The following TNNT3 variants were observed in gnomAD, a reference collection of about 807,000 sequenced individuals.
TNNT3 encodes troponin T, fast skeletal muscle.
TNNT3 carries 36 observed loss-of-function variants against 54.2 expected under a neutral mutation model. The observed-to-expected ratio is 0.66, with a 90% CI of 0.51 to 0.88. TNNT3 has a LOEUF of 0.88. Among genes scored for constraint, TNNT3 ranks in the 40% least tolerant of loss-of-function variants. The pLI is 0.00. For missense variants in TNNT3, 291 were observed against 331.6 expected (o/e 0.88, Z 0.95); for synonymous variants, 120 against 109.7 (o/e 1.09, Z -0.59).
chr11:1,922,330 G>A (rs1013651649), intron 1 of TNNT3, among the ~76,000 whole-genome samples: 1 of 152,118 alleles, frequency 6.6e-6, no homozygotes, highest in African/African-American at 2.4e-5. Flanking sequence ...TTCTCATGGG[G>A]AATGGTAGGG....
intron 14 of TNNT3, among the ~76,000 whole-genome samples, chr11:1,935,764 G>A (rs1283072899): frequency 2.0e-5 from 3 of 152,038 alleles, no homozygotes; most frequent in South Asian, 2.1e-4. Context: ...CTGTGCCCAC[G>A]GGGCTTGTGC....
rs764740964 is a variant in TNNT3, at chr11:1,934,387, TGAA to T, written c.432_434del (p.Lys145del). 4.0e-5 allele frequency: 64 copies of T among 1,613,768 alleles called. No homozygotes were observed. Among genetic ancestry groups the T allele is most frequent in the Admixed American group, 1.0e-4 (6 of 59,992 alleles). ...GCCAAGAGGAGGGCAGAGGACGACC[TGAA>T]GAAGAAGAAAGCTCTGTCTTCCATG... On this transcript the variant is annotated inframe_deletion, in exon 12 of 16. Coordinates refer to ENST00000278317, the MANE Select transcript of TNNT3 (RefSeq NM_006757.4).
intron 14 of TNNT3, chr11:1,935,520 G>GGGGA (rs2133493172): frequency 5.7e-6 from 1 of 175,582 alleles, no homozygotes; most frequent in East Asian, 1.4e-4. Context: ...AGCTGGGACT[G>GGGGA]GGGAAGGCAG....
At chr11:1,930,486 C>T (rs917108144) in intron 8 of TNNT3, among the ~76,000 whole-genome samples, 4 of 152,174 alleles carry the variant, frequency 2.6e-5, no homozygotes, top group African/African-American at 9.7e-5. Context: ...TTGTCCTCAT[C>T]GCACCTGCTT....
At position 1,927,810 on chromosome 11, in the gene TNNT3, G is replaced by A. The variant is rs7930576; in HGVS notation, c.82+1101G>A. ...GAGGGGCTCCTCAGCCACGCACTGCGTCCAGCAAAACCACTAAGTCAGGGA... is the reference window on the plus strand; with the variant it reads ...GAGGGGCTCCTCAGCCACGCACTGCATCCAGCAAAACCACTAAGTCAGGGA... On this transcript the variant is annotated intron_variant, in intron 6 of 15. Transcript: ENST00000278317. The A allele has an allele frequency of 2.9e-3, 438 of 152,568 alleles. 3 individuals carry two copies. Among genetic ancestry groups the A allele is most frequent in the African/African-American group, 9.9e-3 (413 of 41,598 alleles). 9.5% of individuals were successfully genotyped at this position (152,568 alleles called of 1,614,324 possible). A position where few individuals can be genotyped will look rare whatever the true frequency, so the allele number is the denominator to read the frequency against.
At chr11:1,924,270 G>A (rs902423803) in intron 4 of TNNT3, among the ~76,000 whole-genome samples, 8 of 152,178 alleles carry the variant, frequency 5.3e-5, no homozygotes, top group African/African-American at 1.9e-4. Context: ...CCCCCTCCCT[G>A]TGCTGGCCAG....
intron 1 of TNNT3, among the ~76,000 whole-genome samples, chr11:1,921,072 TG>T (rs1850001242): frequency 6.6e-6 from 1 of 151,922 alleles, no homozygotes; most frequent in Non-Finnish European, 1.5e-5. Context: ...TATGAGGAGC[TG>T]GGGAGGGCCT....
chr11:1,933,838 G>A lies in TNNT3; in HGVS notation c.288+1G>A, dbSNP rs913701002. ...GCTGGTCGCTCTCAAAGAGAGAATC[G>A]TGAGTGGGGCAGTTCAGGTTGCAGC... On this transcript the variant is annotated splice_donor_variant, in intron 10 of 15. Transcript: ENST00000278317. LOFTEE classifies it high-confidence loss of function. 5 of 1,612,452 alleles carry A rather than the reference G, an allele frequency of 3.1e-6. No homozygotes were observed. The highest frequency in any genetic ancestry group is 2.2e-5 in the East Asian group (1 of 44,888).
Position 1,932,461 on chromosome 11 carries a change from C to G in TNNT3, c.126-8C>G, listed in dbSNP as rs535827681. 7.4e-5 allele frequency: 120 copies of G among 1,613,684 alleles called. 2 individuals carry two copies. In the South Asian group the frequency reaches 1.2e-3, roughly 16 times the overall value. On this transcript the variant is annotated splice_region_variant and splice_polypyrimidine_tract_variant and intron_variant, in intron 8 of 15. Transcript: ENST00000278317. ...CTCTGCTCACGGGCCTCTCTGTCTCCTCTTCAGACTCACTGCTCCTAAGAT... is the reference window on the plus strand; with the variant it reads ...CTCTGCTCACGGGCCTCTCTGTCTCGTCTTCAGACTCACTGCTCCTAAGAT...
At chr11:1,936,700 G>A (rs1054719948) in intron 14 of TNNT3, among the ~76,000 whole-genome samples, 5 of 152,254 alleles carry the variant, frequency 3.3e-5, no homozygotes, top group Admixed American at 3.3e-4. Flanking sequence ...AAGGTAAGTG[G>A]CCAGCTACGG....
At position 1,934,452 on chromosome 11, in the gene TNNT3, G is replaced by T. The variant is rs1232977403; in HGVS notation, c.480+7G>T. ...CAGCAGCTACCTGGCCAAGGTGTGTGCCGCTGCTGGGAGCACGGTGGTAGC... is the reference window on the plus strand; with the variant it reads ...CAGCAGCTACCTGGCCAAGGTGTGTTCCGCTGCTGGGAGCACGGTGGTAGC... On this transcript the variant is annotated splice_region_variant and intron_variant, in intron 12 of 15. Coordinates refer to ENST00000278317, the MANE Select transcript of TNNT3 (RefSeq NM_006757.4). 4 of 1,613,056 alleles carry T rather than the reference G, an allele frequency of 2.5e-6. No homozygotes were observed. The highest frequency in any genetic ancestry group is 3.4e-6 in the Non-Finnish European group (4 of 1,179,684).
At chr11:1,920,087 CAG>C (rs1339853724) in intron 1 of TNNT3, among the ~76,000 whole-genome samples, 1 of 152,124 alleles carries the variant, frequency 6.6e-6, no homozygotes, top group Non-Finnish European at 1.5e-5. Context: ...GGGCAGGAGG[CAG>C]AGAGGTGCGG....
chr11:1,928,991 C>G (rs1357489097), intron 6 of TNNT3, 129 bp from the exon 7 acceptor site: 1 of 1,112,424 alleles, frequency 9.0e-7, no homozygotes, highest in Non-Finnish European at 1.4e-6. Context: ...CAGGCACACC[C>G]TGGAGAAGAG....
intron 4 of TNNT3, 24 bp downstream of exon 4, chr11:1,923,596 C>A: frequency 7.2e-7 from 1 of 1,387,128 alleles, no homozygotes; most frequent in Non-Finnish European, 9.8e-7. Context: ...CCACCGGAAG[C>A]CCCCCCAGCC....
intron 8 of TNNT3, among the ~76,000 whole-genome samples, chr11:1,932,060 G>C (rs1479255536): frequency 6.6e-6 from 1 of 152,184 alleles, no homozygotes; most frequent in Non-Finnish European, 1.5e-5. Flanking sequence ...CTGGGGAAAG[G>C]CACAGGCTCG....
chr11:1,929,676 T>A (rs2292473), intron 7 of TNNT3, 134 bp from the exon 8 acceptor site: 200 of 957,988 alleles, frequency 2.1e-4, no homozygotes, highest in Middle Eastern at 1.6e-3. Flanking sequence ...TTGGGGGTAC[T>A]CCCAGCTGAA....
In TNNT3 at chr11:1,936,977, G is replaced by A. The variant is rs1855287410; in HGVS notation, c.696G>A (p.Arg232=). The A allele has an allele frequency of 1.9e-6, 3 of 1,606,336 alleles. No individual in the cohort carries two copies. Among genetic ancestry groups the A allele is most frequent in the Non-Finnish European group, 1.7e-6 (2 of 1,177,734 alleles). ...KRQKYDITTL[R]SRIDQAQKHS... ...GTTGTTCACAGATCACCACGCTCAG[G>A]AGCCGCATTGACCAGGCCCAGAAGC... Residue 232 remains arginine (R), a synonymous_variant, in exon 15 of 16, where the codon AGG becomes AGA. Coordinates refer to ENST00000278317, the MANE Select transcript of TNNT3 (RefSeq NM_006757.4).
chr11:1,937,768 C>T (rs546088981), intron 15 of TNNT3, among the ~76,000 whole-genome samples: 1 of 152,316 alleles, frequency 6.6e-6, no homozygotes, highest in African/African-American at 2.4e-5. Flanking sequence ...CTCACGGCCT[C>T]CCTGTTGTGC....
At chr11:1,933,494 T>G (rs1589981602) in intron 9 of TNNT3, among the ~76,000 whole-genome samples, 1 of 152,178 alleles carries the variant, frequency 6.6e-6, no homozygotes, top group Non-Finnish European at 1.5e-5. Context: ...GCACCATCCC[T>G]GCTGTGTGGC....
Sources: gnomAD v4.1 joint callset for allele counts (sites outside exome capture counted in the v4.1 genomes callset) on GRCh38, gnomAD v4.1.1 for gene constraint, MANE v1.5 for transcripts, NCBI Gene and HGNC (gene_info 2026-07-23, HGNC 2026-07-21) for gene names.